SPAST: variants seen among roughly 807,000 people sequenced by gnomAD.
SPAST encodes spastin.
SPAST carries 30 observed loss-of-function variants against 76.6 expected under a neutral mutation model. The observed-to-expected ratio is 0.39, with a 90% CI of 0.29 to 0.53. The LOEUF (loss-of-function observed/expected upper bound fraction) is 0.53, where lower values mean the gene tolerates loss of function less well. Among genes scored for constraint, SPAST ranks in the 20% least tolerant of loss-of-function variants. The pLI is 0.68. For synonymous variants in SPAST, 305 were observed against 281.0 expected (o/e 1.09, Z -0.86); for missense variants, 717 against 770.5 (o/e 0.93, Z 0.82).
At chr2:32,126,779 C>T in intron 7 of SPAST, 169 bp from the exon 8 acceptor site, 1 of 585,956 alleles carries the variant, frequency 1.7e-6, no homozygotes, top group Non-Finnish European at 3.0e-6. Context: ...AGCCACCACA[C>T]CCAGCTGTTT....
intron 1 of SPAST, among the ~76,000 whole-genome samples, chr2:32,085,439 G>T (rs1313242627): frequency 1.3e-5 from 2 of 152,012 alleles, no homozygotes; most frequent in African/African-American, 4.8e-5. Flanking sequence ...CTGGGCTTGA[G>T]CTCCTGGGCT....
At chr2:32,064,694 AAG>A (rs1198336679) in intron 1 of SPAST, among the ~76,000 whole-genome samples, 2 of 152,248 alleles carry the variant, frequency 1.3e-5, no homozygotes, top group African/African-American at 4.8e-5. Context: ...GTCAGAAAAA[AAG>A]AACAAATGGT....
intron 12 of SPAST, among the ~76,000 whole-genome samples, chr2:32,140,065 T>C (rs540587579): frequency 1.3e-5 from 2 of 152,306 alleles, no homozygotes; most frequent in South Asian, 4.1e-4. Flanking sequence ...CTGTTTTCTT[T>C]TGCACATAAA....
intron 15 of SPAST, among the ~76,000 whole-genome samples, chr2:32,146,851 C>CAA (rs397984237): frequency 0.028 from 546 of 19,242 alleles, 63 homozygotes; most frequent in Non-Finnish European, 0.05. Flanking sequence ...GACTCTGTCT[C>CAA]AAAAAAAAAA....
intron 16 of SPAST, 89 bp downstream of exon 16, chr2:32,147,347 T>G (rs1343387799): frequency 2.2e-5 from 4 of 184,472 alleles, no homozygotes; most frequent in East Asian, 6.5e-5. Flanking sequence ...TGTGTGTGGT[T>G]TTTTTTTTTT....
At position 32,145,011 on chromosome 2, in the gene SPAST, G is replaced by A; in HGVS notation, c.1687+4G>A. Reference sequence around the variant, plus strand: ...GCAGCACTGGGTCCTATCCGAGGTAGGTATACAAGAGCTTAAAACATTTAG... The same window carrying A: ...GCAGCACTGGGTCCTATCCGAGGTAAGTATACAAGAGCTTAAAACATTTAG... On this transcript the variant is annotated splice_donor_region_variant and intron_variant, in intron 15 of 16. Transcript: ENST00000315285. 6.2e-7 allele frequency: 1 copy of A among 1,605,182 alleles called. No homozygotes were observed. The highest frequency in any genetic ancestry group is 8.5e-7 in the Non-Finnish European group (1 of 1,172,804).
At chr2:32,128,182 A>G in intron 8 of SPAST, 1 of 464,126 alleles carries the variant, frequency 2.2e-6, no homozygotes, top group East Asian at 4.2e-5. Context: ...TTTATTAGAG[A>G]TGGGATTTCA....
At chr2:32,074,350 C>T (rs1676866954) in intron 1 of SPAST, among the ~76,000 whole-genome samples, 1 of 152,092 alleles carries the variant, frequency 6.6e-6, no homozygotes, top group African/African-American at 2.4e-5. Context: ...TGTGTTTAGA[C>T]ATAATTGTAG....
At chr2:32,084,909 AAGG>A in intron 1 of SPAST, among the ~76,000 whole-genome samples, 1 of 147,422 alleles carries the variant, frequency 6.8e-6, no homozygotes, top group Non-Finnish European at 1.5e-5. Context: ...AAAAAAAAAA[AAGG>A]GAAGGAGCAT....
chr2:32,143,372 CAAGG>C lies in SPAST; in HGVS notation c.1577_1580del (p.Gly526ValfsTer3), dbSNP rs1553319298. On this transcript the variant is annotated frameshift_variant, in exon 14 of 17. Transcript: ENST00000315285. LOFTEE classifies it high-confidence loss of function. The stretch of plus-strand genomic sequence containing the variant: ...TTTGCTTAAAAATCTGTTATGTAAA[CAAGG>C]AAGTCCATTGACCCAAAAAGAACTA... 6.2e-7 allele frequency: 1 copy of C among 1,609,406 alleles called. No homozygotes were observed. Among genetic ancestry groups the C allele is most frequent in the Non-Finnish European group, 8.5e-7 (1 of 1,176,298 alleles).
chr2:32,122,395 CA>C (rs1679049799), intron 7 of SPAST, among the ~76,000 whole-genome samples: 1 of 152,160 alleles, frequency 6.6e-6, no homozygotes. Flanking sequence ...GATCTTGGCT[CA>C]CTGCAACCTC....
At chr2:32,115,106 G>A (rs927717952) in intron 5 of SPAST, among the ~76,000 whole-genome samples, 2 of 151,826 alleles carry the variant, frequency 1.3e-5, no homozygotes, top group African/African-American at 4.8e-5. Context: ...GCACCACCAC[G>A]TCGAGCTAAT....
At chr2:32,119,841 T>C (rs1345861258) in intron 7 of SPAST, among the ~76,000 whole-genome samples, 1 of 152,192 alleles carries the variant, frequency 6.6e-6, no homozygotes, top group Admixed American at 6.5e-5. Flanking sequence ...TATTCTTCTG[T>C]CCTTATTTCA....
At chr2:32,140,224 A>C (rs1423923163) in intron 12 of SPAST, among the ~76,000 whole-genome samples, 2 of 151,946 alleles carry the variant, frequency 1.3e-5, no homozygotes, top group African/African-American at 2.4e-5. Flanking sequence ...CCTTTCTGCT[A>C]TATCTTTTGT....
intron 4 of SPAST, among the ~76,000 whole-genome samples, chr2:32,108,629 T>G (rs1219494681): frequency 6.6e-6 from 1 of 152,048 alleles, no homozygotes; most frequent in Non-Finnish European, 1.5e-5. Flanking sequence ...TTTTGTATTT[T>G]TTGTAGAGAT....
intron 3 of SPAST, among the ~76,000 whole-genome samples, chr2:32,093,310 CAAAAAA>C (rs34291087): frequency 4.8e-5 from 3 of 62,174 alleles, no homozygotes; most frequent in Non-Finnish European, 8.6e-5. Flanking sequence ...GACTCCGTCT[CAAAAAA>C]AAAAAAAAAA....
At chr2:32,118,441 T>C (rs1300464199) in intron 7 of SPAST, among the ~76,000 whole-genome samples, 1 of 152,210 alleles carries the variant, frequency 6.6e-6, no homozygotes, top group Non-Finnish European at 1.5e-5. Context: ...GCATTTGTCA[T>C]TATGTGAACT....
At chr2:32,153,120 G>A (rs1294361795) in intron 16 of SPAST, among the ~76,000 whole-genome samples, 1 of 152,008 alleles carries the variant, frequency 6.6e-6, no homozygotes, top group Non-Finnish European at 1.5e-5. Flanking sequence ...ACAAGTGTAG[G>A]TGATATCTCA....
chr2:32,075,551 T>C (rs1221577997), intron 1 of SPAST, among the ~76,000 whole-genome samples: 4 of 131,528 alleles, frequency 3.0e-5, no homozygotes, highest in Non-Finnish European at 3.2e-5. Context: ...TTTTTTCTTT[T>C]TTTTTTTTTT....
Sources: allele counts gnomAD v4.1 joint callset (sites outside exome capture counted in the v4.1 genomes callset), GRCh38; gene constraint gnomAD v4.1.1; transcripts MANE v1.5; gene names NCBI Gene and HGNC (gene_info 2026-07-23, HGNC 2026-07-21).